The following KLHL32 variants were observed in gnomAD, a reference collection of about 807,000 sequenced individuals.
KLHL32 encodes kelch like family member 32.
In KLHL32, 35 loss-of-function variants were observed where a neutral mutation model predicts 64.8. The ratio of observed to expected loss-of-function variants is 0.54; its 90% confidence interval spans 0.41 to 0.72. The LOEUF (loss-of-function observed/expected upper bound fraction) is 0.72, where lower values mean the gene tolerates loss of function less well. Ranked by LOEUF, KLHL32 falls within the 30% of genes least tolerant of loss-of-function variation. The probability of loss-of-function intolerance (pLI) is 0.00; values close to 1 mark genes in which losing one functional copy is unlikely to be tolerated. For missense variants in KLHL32, 589 were observed against 768.5 expected (o/e 0.77, Z 2.76); for synonymous variants, 259 against 281.0 (o/e 0.92, Z 0.78).
chr6:97,092,507 G>T (rs1209291), intron 6 of KLHL32, among the ~76,000 whole-genome samples: 22,198 of 151,998 alleles, frequency 0.15, 1,743 homozygotes, highest in African/African-American at 0.2. Flanking sequence ...TTCTACAAAT[G>T]TGATGAGGGT....
chr6:97,059,648 C>T (rs1473783895), intron 4 of KLHL32, among the ~76,000 whole-genome samples: 1 of 152,106 alleles, frequency 6.6e-6, no homozygotes. Context: ...ATGGCTGCCA[C>T]CTTGTGGATA....
intron 5 of KLHL32, among the ~76,000 whole-genome samples, chr6:97,084,346 A>C (rs1249459883): frequency 1.3e-5 from 2 of 152,214 alleles, no homozygotes; most frequent in Non-Finnish European, 2.9e-5. Context: ...TGACAAAGGT[A>C]CAGTGGAAGC....
intron 3 of KLHL32, among the ~76,000 whole-genome samples, chr6:97,005,638 C>A (rs1489529746): frequency 2.0e-5 from 3 of 152,146 alleles, no homozygotes; most frequent in African/African-American, 7.2e-5. Flanking sequence ...CATTCTTCTT[C>A]AGTCTGCTTT....
intron 4 of KLHL32, among the ~76,000 whole-genome samples, chr6:97,056,309 G>T (rs1194445857): frequency 6.6e-6 from 1 of 151,924 alleles, no homozygotes; most frequent in Non-Finnish European, 1.5e-5. Flanking sequence ...GTTTCACCAT[G>T]TTAGCCAGGA....
intron 3 of KLHL32, among the ~76,000 whole-genome samples, chr6:97,036,023 A>ATTCTTTT (rs1255170536): frequency 1.3e-5 from 2 of 151,488 alleles, no homozygotes; most frequent in Middle Eastern, 3.2e-3. Context: ...ACTCCTTTTT[A>ATTCTTTT]TTCTTTTTTC....
Position 97,057,844 on chromosome 6 carries a change from A to G in KLHL32, c.313-6784A>G, listed in dbSNP as rs1347296696. Among the ~76,000 whole-genome samples, 8 of 152,218 alleles carry G rather than the reference A, an allele frequency of 5.3e-5. No individual in the cohort carries two copies. The East Asian group carries it at 1.5e-3, about 29-fold the overall frequency. On this transcript the variant is annotated intron_variant, in intron 4 of 10. Transcript: ENST00000369261. The stretch of plus-strand genomic sequence containing the variant: ...CCCAAAGTTATCTAGATCTTCTCCT[A>G]TGTTACCTTGTAAGAGTTTTCTAGT...
At chr6:97,069,197 G>C (rs973107581) in intron 5 of KLHL32, among the ~76,000 whole-genome samples, 3 of 152,102 alleles carry the variant, frequency 2.0e-5, no homozygotes, top group Non-Finnish European at 4.4e-5. Context: ...GAACATAAAG[G>C]GAACAGGAGG....
At chr6:97,032,889 A>T (rs1286381973) in intron 3 of KLHL32, among the ~76,000 whole-genome samples, 1 of 151,518 alleles carries the variant, frequency 6.6e-6, no homozygotes, top group African/African-American at 2.4e-5. Context: ...CTGCAAATGC[A>T]TAAACAAAAT....
intron 1 of KLHL32, among the ~76,000 whole-genome samples, chr6:96,959,241 A>G (rs1773622124): frequency 6.6e-6 from 1 of 152,068 alleles, no homozygotes; most frequent in Non-Finnish European, 1.5e-5. Context: ...GCTTTGTCTG[A>G]GCAGAGCACA....
At chr6:97,061,989 A>C (rs551025720) in intron 4 of KLHL32, among the ~76,000 whole-genome samples, 2 of 152,260 alleles carry the variant, frequency 1.3e-5, no homozygotes, top group South Asian at 2.1e-4. Context: ...TCTTTCTCCA[A>C]CCCTTTAAGA....
chr6:97,065,031 C>T (rs945897498), intron 5 of KLHL32, among the ~76,000 whole-genome samples: 2 of 152,188 alleles, frequency 1.3e-5, no homozygotes, highest in South Asian at 2.1e-4. Flanking sequence ...GGGGAGGTGT[C>T]GCTAAAAGGA....
intron 7 of KLHL32, among the ~76,000 whole-genome samples, chr6:97,126,342 A>G (rs561706526): frequency 9.1e-4 from 136 of 149,182 alleles, no homozygotes; most frequent in African/African-American, 3.3e-3. Context: ...ATGCTGTTTT[A>G]TGTTTTTTTT....
chr6:97,066,792 A>G (rs1175496317), intron 5 of KLHL32, among the ~76,000 whole-genome samples: 5 of 152,202 alleles, frequency 3.3e-5, no homozygotes, highest in African/African-American at 1.2e-4. Context: ...TATAGTCTCC[A>G]TAGCTATATC....
chr6:97,028,571 T>A (rs1384351934), intron 3 of KLHL32, among the ~76,000 whole-genome samples: 2 of 152,222 alleles, frequency 1.3e-5, no homozygotes, highest in African/African-American at 2.4e-5. Context: ...CTCTGATCCA[T>A]GCAGACTCTA....
chr6:96,979,876 C>G (rs118111795), intron 3 of KLHL32, among the ~76,000 whole-genome samples: 1 of 151,994 alleles, frequency 6.6e-6, no homozygotes, highest in African/African-American at 2.4e-5. Context: ...GCTCTTTTAC[C>G]TCTCCGGTTG....
chr6:97,126,054 A>ACC (rs1798840064), intron 7 of KLHL32, among the ~76,000 whole-genome samples: 1 of 152,156 alleles, frequency 6.6e-6, no homozygotes, highest in South Asian at 2.1e-4. Flanking sequence ...AAGCTGGGGG[A>ACC]ATGTTAAGGC....
At chr6:97,027,740 C>A (rs1782942087) in intron 3 of KLHL32, among the ~76,000 whole-genome samples, 1 of 152,220 alleles carries the variant, frequency 6.6e-6, no homozygotes, top group East Asian at 1.9e-4. Flanking sequence ...CCCTCCAAAT[C>A]TAGGGATCAG....
rs138392473 is a variant in KLHL32 at position 97,098,419 on chromosome 6, G to C, written c.627+13078G>C. 2.9e-3 allele frequency among the ~76,000 whole-genome samples: 442 copies of C among 151,780 alleles called. 1 individual carries two copies. Among genetic ancestry groups the C allele is most frequent in the African/African-American group, 0.01 (430 of 41,360 alleles). On this transcript the variant is annotated intron_variant, in intron 6 of 10. Coordinates refer to ENST00000369261, the MANE Select transcript of KLHL32 (RefSeq NM_052904.4). ...CAGCAGCATATTTTTACCTAGCCTG[G>C]GACATTTTTTCTCACATGTCAATTG...
intron 1 of KLHL32, among the ~76,000 whole-genome samples, chr6:96,932,725 C>G (rs1251643200): frequency 6.6e-6 from 1 of 151,986 alleles, no homozygotes; most frequent in African/African-American, 2.4e-5. Flanking sequence ...TATCACCACA[C>G]CCAGCTAATT....
Sources: gnomAD v4.1 joint callset for allele counts (sites outside exome capture counted in the v4.1 genomes callset) on GRCh38, gnomAD v4.1.1 for gene constraint, MANE v1.5 for transcripts, NCBI Gene and HGNC (gene_info 2026-07-23, HGNC 2026-07-21) for gene names.